Variants in CCDC154 observed in about 807,000 individuals in gnomAD.
CCDC154 encodes the protein coiled-coil domain containing 154.
A neutral mutation model predicts 87.5 loss-of-function variants in CCDC154; 91 were observed. That is an observed-to-expected ratio of 1.04 (90% CI 0.88 to 1.24). The LOEUF (loss-of-function observed/expected upper bound fraction) is 1.24. Ranked by LOEUF, CCDC154 falls within the 50% of genes most tolerant of loss-of-function variation. The pLI is 0.00. For synonymous variants in CCDC154, 418 were observed against 400.4 expected, an observed-to-expected ratio of 1.04 and a Z score of -0.52; for missense variants, 903 against 879.2, an observed-to-expected ratio of 1.03 and a Z score of -0.34.
intron 6 of CCDC154, 88 bp downstream of exon 6, chr16:1,442,318 C>A (rs760238309): frequency 2.2e-6 from 3 of 1,382,612 alleles, no homozygotes; most frequent in Middle Eastern, 2.0e-4. Context: ...GGTGAACGGC[C>A]GCTGTATCGG....
intron 2 of CCDC154, 28 bp downstream of exon 2, chr16:1,443,768 C>T (rs1183269954): frequency 2.3e-6 from 3 of 1,304,642 alleles, no homozygotes; most frequent in African/African-American, 3.0e-5. Flanking sequence ...CGTGGTCCTC[C>T]CCCGCCAGCA....
At chr16:1,442,772 C>T (rs1469850788) in intron 5 of CCDC154, 108 bp downstream of exon 5, 24 of 1,214,146 alleles carry the variant, frequency 2.0e-5, no homozygotes, top group African/African-American at 3.0e-5. Context: ...GGTGCCCCGC[C>T]GGGTTACTGG....
intron 1 of CCDC154, 63 bp downstream of exon 1, chr16:1,444,253 C>T (rs981425069): frequency 1.5e-5 from 19 of 1,282,150 alleles, no homozygotes; most frequent in East Asian, 5.6e-5. Flanking sequence ...AGAAGCAGAG[C>T]GGTCCCCACC....
intron 5 of CCDC154, 149 bp from the exon 6 acceptor site, chr16:1,442,678 G>T: frequency 3.8e-6 from 4 of 1,056,178 alleles, no homozygotes; most frequent in South Asian, 1.7e-5. Flanking sequence ...CAGCACCGGT[G>T]GCAGGGAAGG....
At position 1,437,300 on chromosome 16, in the gene CCDC154, C is replaced by T. The variant is rs995625200; in HGVS notation, c.1291-489G>A. 6 of 174,208 alleles carry T rather than the reference C, an allele frequency of 3.4e-5. No individual in the cohort carries two copies. The South Asian group carries it at 4.8e-4, about 14-fold the overall frequency. The allele number at this position is 174,208 out of a possible 1,614,324, so 10.8% of individuals were successfully genotyped here. A position where few individuals can be genotyped will look rare whatever the true frequency, so the allele number is the denominator to read the frequency against. Reference sequence around the variant, plus strand: ...CGTGCGTGGCTCTGTTTCCTGGAAACGTCCAGAACAGGCAGCCCCCGAGAC... The same window carrying T: ...CGTGCGTGGCTCTGTTTCCTGGAAATGTCCAGAACAGGCAGCCCCCGAGAC... On this transcript the variant is annotated intron_variant, in intron 11 of 16. Transcript: ENST00000389176.
Position 1,435,227 on chromosome 16 carries a change from G to A in CCDC154, c.1606-52C>T, listed in dbSNP as rs371276168. The A allele has an allele frequency of 1.1e-5, 17 of 1,489,186 alleles. No individual in the cohort carries two copies. In the African/African-American group the frequency reaches 2.4e-4, roughly 21 times the overall value. 92.2% of individuals were successfully genotyped at this position (1,489,186 alleles called of 1,614,324 possible). On this transcript the variant is annotated intron_variant, in intron 14 of 16. Coordinates refer to ENST00000389176, the MANE Select transcript of CCDC154 (RefSeq NM_001143980.3). ...GACAGGGCCAGTCTGCTGGCATCCT[G>A]CTGTCCCCACAGGCACCCCGATATC...
rs562121451 is a variant in CCDC154, at chr16:1,444,208, G to A, written c.7+108C>T. 109 of 1,186,012 alleles carry A rather than the reference G, an allele frequency of 9.2e-5. No individual in the cohort carries two copies. In the East Asian group the frequency reaches 2.1e-3, roughly 22 times the overall value. The allele number at this position is 1,186,012 out of a possible 1,614,324, so 73.5% of individuals were successfully genotyped here. ...TGCCTGAAGACACACAGCACTGGGC[G>A]GCAGGAACAAGCGAGCTGGAGGGAG... On this transcript the variant is annotated intron_variant, in intron 1 of 16. Transcript: ENST00000389176.
Position 1,438,096 on chromosome 16 carries a change from A to G in CCDC154, c.1106T>C (p.Leu369Pro), listed in dbSNP as rs1166295596. Reference protein sequence around the residue: ...YVQENLEAAQLAGELARQEMH... With the variant: ...YVQENLEAAQPAGELARQEMH... ...CTCCTGCCGGGCCAGCTCGCCAGCC[A>G]GCTGTGCGGCCTCCAGGTTCTCCTG... The change falls in exon 10 of 17, where the codon CTG becomes CCG. Residue 369 changes from leucine (L) to proline (P), a missense_variant. Coordinates refer to ENST00000389176, the MANE Select transcript of CCDC154 (RefSeq NM_001143980.3). 1 of 1,548,764 alleles carries G rather than the reference A, an allele frequency of 6.5e-7. No individual in the cohort carries two copies. The highest frequency in any genetic ancestry group is 8.7e-7 in the Non-Finnish European group (1 of 1,146,202).
In CCDC154 at chr16:1,444,230, G is replaced by A. The variant is rs114500073; in HGVS notation, c.7+86C>T. ...GGCGGCAGGAACAAGCGAGCTGGAGGGAGCCCGGGGTCAGAAGCAGAGCGG... is the reference window on the plus strand; with the variant it reads ...GGCGGCAGGAACAAGCGAGCTGGAGAGAGCCCGGGGTCAGAAGCAGAGCGG... On this transcript the variant is annotated intron_variant, in intron 1 of 16. Coordinates refer to ENST00000389176, the MANE Select transcript of CCDC154 (RefSeq NM_001143980.3). 6.2e-4 allele frequency: 781 copies of A among 1,250,426 alleles called. 4 individuals are homozygous for A. In the African/African-American group the frequency reaches 0.01, roughly 16 times the overall value. 77.5% of individuals were successfully genotyped at this position (1,250,426 alleles called of 1,614,324 possible).
At chr16:1,444,233 G>T in intron 1 of CCDC154, 83 bp downstream of exon 1, 1 of 1,255,176 alleles carries the variant, frequency 8.0e-7, no homozygotes, top group Non-Finnish European at 1.0e-6. Flanking sequence ...GCTGGAGGGA[G>T]CCCGGGGTCA....
In CCDC154 at chr16:1,434,384, C is replaced by A. The variant is rs78398531; in HGVS notation, c.*24G>T. The A allele has an allele frequency of 0.073, 112,658 of 1,548,498 alleles. 5,730 individuals carry two copies. The highest frequency in any genetic ancestry group is 0.26 in the African/African-American group (18,834 of 73,072). ...CAGCACACATCAGGGAACCTCAGCT[C>A]TAATGAGTACAAAGCCAGCACGTTT... On this transcript the variant is annotated 3_prime_UTR_variant, in exon 17 of 17. Transcript: ENST00000389176.
intron 13 of CCDC154, 125 bp from the exon 14 acceptor site, chr16:1,436,211 AC>A: frequency 1.1e-6 from 1 of 896,962 alleles, no homozygotes; most frequent in Non-Finnish European, 1.7e-6. Context: ...CAGCCCTGTC[AC>A]CCCTCCAGTG....
chr16:1,442,706 C>G (rs1247693431), intron 5 of CCDC154, among the ~76,000 whole-genome samples, 174 bp downstream of exon 5: 1 of 152,242 alleles, frequency 6.6e-6, no homozygotes, highest in Non-Finnish European at 1.5e-5. Context: ...CGAGTCTCTT[C>G]CCCACAGAGG....
chr16:1,441,820 G>A (rs2038554538), intron 6 of CCDC154, among the ~76,000 whole-genome samples: 1 of 152,212 alleles, frequency 6.6e-6, no homozygotes. Context: ...GCCCAGGCTG[G>A]TCTTGACTTC....
intron 1 of CCDC154, 145 bp from the exon 2 acceptor site, chr16:1,444,157 G>T: frequency 9.8e-7 from 1 of 1,019,240 alleles, no homozygotes; most frequent in Non-Finnish European, 1.3e-6. Context: ...ATCCAGACGG[G>T]CTTGGCTCAG....
At position 1,436,132 on chromosome 16, in the gene CCDC154, G is replaced by A. The variant is rs567980493; in HGVS notation, c.1488-46C>T. ...GGCTGGCTGTCGGGTGTGCTCGGGG[G>A]TAGGGCCAGGACCGGGGACAAAGGC... On this transcript the variant is annotated intron_variant, in intron 13 of 16. Transcript: ENST00000389176. The A allele has an allele frequency of 2.5e-4, 371 of 1,487,244 alleles. 1 individual carries two copies. The highest frequency in any genetic ancestry group is 5.9e-4 in the Admixed American group (30 of 50,724). 92.1% of individuals were successfully genotyped at this position (1,487,244 alleles called of 1,614,324 possible).
intron 6 of CCDC154, 151 bp downstream of exon 6, chr16:1,442,255 T>C (rs2038558276): frequency 1.7e-5 from 17 of 972,764 alleles, no homozygotes; most frequent in Non-Finnish European, 2.3e-5. Flanking sequence ...GGCTGAGGAA[T>C]TGAGTTTTAC....
Position 1,437,979 on chromosome 16 carries a change from G to C in CCDC154, c.1153-25C>G, listed in dbSNP as rs1438876390. The C allele has an allele frequency of 3.2e-6, 5 of 1,538,952 alleles. No homozygotes were observed. In the Admixed American group the frequency reaches 7.9e-5, roughly 24 times the overall value. ...GCTGCAGGGGACAGGTGGGCACGGG[G>C]AGGCCTGGCTGAGCGCCCATCCCGT... On this transcript the variant is annotated intron_variant, in intron 10 of 16. Transcript: ENST00000389176.
intron 16 of CCDC154, 54 bp from the exon 17 acceptor site, chr16:1,434,588 C>T (rs1027813508): frequency 1.7e-5 from 26 of 1,521,670 alleles, no homozygotes; most frequent in Non-Finnish European, 2.0e-5. Context: ...CCCCCATGGC[C>T]CACCTGCTGC....
Sources: allele counts gnomAD v4.1 joint callset (sites outside exome capture counted in the v4.1 genomes callset), GRCh38; gene constraint gnomAD v4.1.1; transcripts MANE v1.5; gene names NCBI Gene and HGNC (gene_info 2026-07-23, HGNC 2026-07-21).